RASEF: variants seen among roughly 807,000 people sequenced by gnomAD.
RASEF encodes the protein ras and EF-hand domain-containing protein.
A neutral mutation model predicts 90.1 loss-of-function variants in RASEF; 68 were observed. The observed-to-expected ratio is 0.75, with a 90% confidence interval of 0.62 to 0.92. RASEF has a LOEUF of 0.92. RASEF is among the 40% of genes least tolerant of loss of function. The pLI is 0.00. For synonymous variants in RASEF, 331 were observed against 345.2 expected, an observed-to-expected ratio of 0.96 and a Z score of 0.46; for missense variants, 949 against 937.2, an observed-to-expected ratio of 1.01 and a Z score of -0.16.
chr9:83,014,804 A>G (rs1829314186), intron 4 of RASEF, among the ~76,000 whole-genome samples: 1 of 152,180 alleles, frequency 6.6e-6, no homozygotes, highest in Non-Finnish European at 1.5e-5. Flanking sequence ...ACTTGGTAGC[A>G]TGAAATCAGT....
the RASEF span, among the ~76,000 whole-genome samples, chr9:83,178,482 T>C: frequency 4.0e-4 from 61 of 152,228 alleles, no homozygotes; most frequent in African/African-American, 1.4e-3. Flanking sequence ...GTCTCTCTTC[T>C]CTTGGTACTC....
At chr9:83,151,435 A>G in the RASEF span, among the ~76,000 whole-genome samples, 1 of 152,306 alleles carries the variant, frequency 6.6e-6, no homozygotes, top group East Asian at 1.9e-4. Flanking sequence ...TAGATGGGCC[A>G]GCAGGTAGGA....
chr9:83,130,394 A>T, the RASEF span, among the ~76,000 whole-genome samples: 1 of 152,204 alleles, frequency 6.6e-6, no homozygotes, highest in African/African-American at 2.4e-5. Context: ...ATATGTTAAA[A>T]GCAATGAACC....
chr9:83,136,961 A>G, the RASEF span, among the ~76,000 whole-genome samples: 1 of 152,066 alleles, frequency 6.6e-6, no homozygotes, highest in African/African-American at 2.4e-5. Context: ...TTCTTCAAAA[A>G]TGAAAAAGTT....
At chr9:83,072,740 A>C in the RASEF span, among the ~76,000 whole-genome samples, 2 of 152,174 alleles carry the variant, frequency 1.3e-5, no homozygotes, top group Admixed American at 1.3e-4. Context: ...GCCTGCTTTT[A>C]TCCCAGCCAC....
chr9:83,121,708 T>C, the RASEF span, among the ~76,000 whole-genome samples: 50 of 152,296 alleles, frequency 3.3e-4, no homozygotes, highest in East Asian at 7.5e-3. Flanking sequence ...CACTCTTGGT[T>C]GTGAACTGAG....
intron 6 of RASEF, 37 bp from the exon 7 acceptor site, chr9:83,007,542 G>T: frequency 6.7e-7 from 1 of 1,496,112 alleles, no homozygotes; most frequent in Non-Finnish European, 9.3e-7. Context: ...TGAGAATTAG[G>T]TGTCAAGTCC....
chr9:83,101,154 T>C, the RASEF span, among the ~76,000 whole-genome samples: 6 of 152,176 alleles, frequency 3.9e-5, no homozygotes, highest in Admixed American at 1.3e-4. Flanking sequence ...ACAAAAGCAT[T>C]ACTAGCCTTA....
the RASEF span, among the ~76,000 whole-genome samples, chr9:83,098,696 G>A: frequency 6.6e-6 from 1 of 152,160 alleles, no homozygotes; most frequent in South Asian, 2.1e-4. Flanking sequence ...ATGGTGGAAG[G>A]CAAGGAGGAG....
intron 2 of RASEF, 35 bp downstream of exon 2, chr9:83,025,740 C>A: frequency 6.2e-7 from 1 of 1,604,408 alleles, no homozygotes; most frequent in Non-Finnish European, 8.5e-7. Flanking sequence ...AGTTAAAGCA[C>A]CCACAGGCCA....
At chr9:83,038,292 A>G (rs1205066896) in intron 1 of RASEF, among the ~76,000 whole-genome samples, 1 of 152,146 alleles carries the variant, frequency 6.6e-6, no homozygotes, top group Non-Finnish European at 1.5e-5. Context: ...ATACCAAGAC[A>G]AAAAAGAATT....
the RASEF span, among the ~76,000 whole-genome samples, chr9:83,176,016 C>T: frequency 0.88 from 133,837 of 152,270 alleles, 59,134 homozygotes; most frequent in African/African-American, 0.97. Context: ...TATAGATGTA[C>T]GTTAGGTCTA....
chr9:83,021,836 G>C (rs1321781555), intron 3 of RASEF, among the ~76,000 whole-genome samples: 1 of 152,306 alleles, frequency 6.6e-6, no homozygotes, highest in African/African-American at 2.4e-5. Flanking sequence ...GGGAGTCCTG[G>C]AACCAATCCC....
At chr9:83,140,012 A>G in the RASEF span, among the ~76,000 whole-genome samples, 4 of 152,132 alleles carry the variant, frequency 2.6e-5, no homozygotes, top group East Asian at 7.7e-4. Flanking sequence ...ATTAGTACTA[A>G]CTGTAATGTA....
the RASEF span, among the ~76,000 whole-genome samples, chr9:83,176,714 A>G: frequency 6.6e-6 from 1 of 152,168 alleles, no homozygotes; most frequent in Non-Finnish European, 1.5e-5. Flanking sequence ...TAAGATTTAT[A>G]CTAAATTAAT....
the RASEF span, among the ~76,000 whole-genome samples, chr9:83,120,250 T>G: frequency 6.6e-6 from 1 of 152,158 alleles, no homozygotes; most frequent in Non-Finnish European, 1.5e-5. Context: ...GAAGGTCAAT[T>G]GTGATATTGA....
At chr9:83,130,001 A>C in the RASEF span, among the ~76,000 whole-genome samples, 11 of 152,216 alleles carry the variant, frequency 7.2e-5, no homozygotes, top group Non-Finnish European at 1.6e-4. Flanking sequence ...GGTGTGACCA[A>C]ATGCTTTAAT....
At chr9:83,090,353 A>G in the RASEF span, among the ~76,000 whole-genome samples, 2 of 151,744 alleles carry the variant, frequency 1.3e-5, no homozygotes, top group African/African-American at 4.8e-5. Flanking sequence ...TTCCTCCAGG[A>G]TAGTTTTATT....
chr9:83,041,750 T>C (rs956009601), intron 1 of RASEF, among the ~76,000 whole-genome samples: 1 of 152,154 alleles, frequency 6.6e-6, no homozygotes, highest in Non-Finnish European at 1.5e-5. Flanking sequence ...AACGGAAGGG[T>C]GATTTTCTGA....
Sources: gnomAD v4.1 joint callset for allele counts (sites outside exome capture counted in the v4.1 genomes callset) on GRCh38, gnomAD v4.1.1 for gene constraint, MANE v1.5 for transcripts, NCBI Gene and HGNC (gene_info 2026-07-23, HGNC 2026-07-21) for gene names.